The following SMAGP variants were observed in gnomAD, a reference collection of about 807,000 sequenced individuals.
SMAGP encodes the protein small cell adhesion glycoprotein, also known as small cell transmembrane and glycosylated protein.
In SMAGP, 7 loss-of-function variants were observed where a neutral mutation model predicts 10.1. The ratio of observed to expected loss-of-function variants is 0.70; its 90% CI spans 0.40 to 1.31. The LOEUF is 1.31. Among genes scored for constraint, SMAGP ranks in the 50% most tolerant of loss-of-function variants. The pLI is 0.01. For synonymous variants in SMAGP, 49 were observed against 47.2 expected (o/e 1.04, Z -0.16); for missense variants, 113 against 116.5 (o/e 0.97, Z 0.14).
At position 51,250,204 on chromosome 12, in the gene SMAGP, CAA is replaced by C. The variant is rs11289025; in HGVS notation, c.35-3375_35-3374del. Among the ~76,000 whole-genome samples, 634 of 98,882 alleles carry C rather than the reference CAA, an allele frequency of 6.4e-3. 2 individuals carry two copies. The highest frequency in any genetic ancestry group is 0.019 in the African/African-American group (525 of 27,186). 64.9% of individuals were successfully genotyped at this position (98,882 alleles called of 152,430 possible). A position where few individuals can be genotyped will look rare whatever the true frequency, so the allele number is the denominator to read the frequency against. On this transcript the variant is annotated intron_variant, in intron 2 of 3. Transcript: ENST00000603798. ...GGGCAACACAGTAAGACTCTGTCTA[CAA>C]AAAAAAAAAAAAAAAAAATGTAAAA... is the stretch of plus-strand genomic sequence containing the variant.
intron 2 of SMAGP, among the ~76,000 whole-genome samples, chr12:51,266,924 T>C (rs887899062): frequency 1.9e-4 from 29 of 152,206 alleles, no homozygotes; most frequent in Admixed American, 2.6e-4. Context: ...GAGACCAGCC[T>C]GGCCAACATG....
chr12:51,260,528 C>T (rs1209222850), intron 2 of SMAGP, among the ~76,000 whole-genome samples: 2 of 151,694 alleles, frequency 1.3e-5, no homozygotes, highest in African/African-American at 4.8e-5. Flanking sequence ...AGGTGCCCGC[C>T]ACCACGCCCG....
At chr12:51,257,806 A>T (rs1944899391) in intron 2 of SMAGP, among the ~76,000 whole-genome samples, 1 of 151,750 alleles carries the variant, frequency 6.6e-6, no homozygotes, top group Non-Finnish European at 1.5e-5. Context: ...TGGCCTCTCA[A>T]AGTGCTGGGA....
chr12:51,266,479 AAAG>A (rs1944975419), intron 2 of SMAGP, among the ~76,000 whole-genome samples: 3 of 151,860 alleles, frequency 2.0e-5, no homozygotes, highest in African/African-American at 4.8e-5. Flanking sequence ...AAAAAAAAAA[AAAG>A]AACTGTGTAC....
intron 2 of SMAGP, among the ~76,000 whole-genome samples, chr12:51,249,956 C>T (rs959942961): frequency 6.6e-6 from 1 of 152,034 alleles, no homozygotes; most frequent in Non-Finnish European, 1.5e-5. Context: ...ATCTGTTACC[C>T]ACAGGAACTA....
At chr12:51,246,354 T>A (rs970615749) in intron 3 of SMAGP, 6 of 547,470 alleles carry the variant, frequency 1.1e-5, no homozygotes, top group African/African-American at 9.4e-5. Context: ...CTGACAAAAC[T>A]GAACTGCCTC....
At chr12:51,256,809 A>C (rs1041176881) in intron 2 of SMAGP, among the ~76,000 whole-genome samples, 4 of 151,524 alleles carry the variant, frequency 2.6e-5, no homozygotes, top group African/African-American at 9.7e-5. Flanking sequence ...ATTCTTATAT[A>C]TGGTACTAGA....
intron 2 of SMAGP, among the ~76,000 whole-genome samples, chr12:51,265,093 C>T (rs886174518): frequency 1.3e-5 from 2 of 151,940 alleles, no homozygotes; most frequent in Admixed American, 6.6e-5. Flanking sequence ...CAAAGATATA[C>T]AAATGGTCAA....
At chr12:51,253,234 G>C (rs1944856758) in intron 2 of SMAGP, among the ~76,000 whole-genome samples, 1 of 152,146 alleles carries the variant, frequency 6.6e-6, no homozygotes, top group South Asian at 2.1e-4. Context: ...GAGATTCCAG[G>C]TTCCTAGACA....
chr12:51,256,302 G>A (rs1410636567), intron 2 of SMAGP, among the ~76,000 whole-genome samples: 1 of 152,092 alleles, frequency 6.6e-6, no homozygotes, highest in Non-Finnish European at 1.5e-5. Context: ...TTAGAATTTG[G>A]AGGCCAGGTG....
At position 51,246,114 on chromosome 12, in the gene SMAGP, T is replaced by C; in HGVS notation, c.121A>G (p.Ile41Val). ...AGCAGGGTGAGGAAGACAACGGTGA[T>C]AACAACTTGGAAAGGAGAGGGAAAA... is the stretch of plus-strand genomic sequence containing the variant. ...GASTALIAVV[I>V]TVVFLTLLSV... The change falls in exon 4 of 4, where the codon ATC becomes GTC. Residue 41 changes from isoleucine to valine, a missense_variant. Coordinates refer to ENST00000603798, the MANE Select transcript of SMAGP (RefSeq NM_001031628.2). 1 of 1,613,840 alleles carries C rather than the reference T, an allele frequency of 6.2e-7. No homozygotes were observed. Among genetic ancestry groups the C allele is most frequent in the South Asian group, 1.1e-5 (1 of 91,068 alleles).
At chr12:51,252,393 CTAT>C (rs893404086) in intron 2 of SMAGP, among the ~76,000 whole-genome samples, 23 of 146,512 alleles carry the variant, frequency 1.6e-4, no homozygotes, top group Non-Finnish European at 2.4e-4. Context: ...TGTGCCCGGC[CTAT>C]TATTATTATT....
chr12:51,263,383 C>CAA (rs994183697), intron 2 of SMAGP, among the ~76,000 whole-genome samples: 1 of 127,006 alleles, frequency 7.9e-6, no homozygotes, highest in Non-Finnish European at 1.7e-5. Flanking sequence ...AATTCCATCT[C>CAA]AAAAAAAAAA....
At chr12:51,248,432 ACACTCT>A (rs1428581486) in intron 2 of SMAGP, among the ~76,000 whole-genome samples, 191 of 48,734 alleles carry the variant, frequency 3.9e-3, no homozygotes, top group East Asian at 0.016. Flanking sequence ...ACACACACAC[ACACTCT>A]CTCTCTCTCT....
chr12:51,263,616 A>C (rs1404516927), intron 2 of SMAGP, among the ~76,000 whole-genome samples: 2 of 152,184 alleles, frequency 1.3e-5, no homozygotes, highest in Non-Finnish European at 2.9e-5. Flanking sequence ...AATAAAATAA[A>C]GAAAAATGCT....
At chr12:51,257,731 G>A (rs545206748) in intron 2 of SMAGP, among the ~76,000 whole-genome samples, 179 of 152,232 alleles carry the variant, frequency 1.2e-3, no homozygotes, top group Non-Finnish European at 4.7e-4. Context: ...TTTTAGTAGA[G>A]ATGGGGTTTC....
At chr12:51,246,295 A>C in intron 3 of SMAGP, 176 bp from the exon 4 acceptor site, 1 of 864,308 alleles carries the variant, frequency 1.2e-6, no homozygotes, top group Non-Finnish European at 1.7e-6. Flanking sequence ...ATGGCACATA[A>C]TAGCTGGAGT....
At chr12:51,261,835 C>T (rs996750062) in intron 2 of SMAGP, among the ~76,000 whole-genome samples, 18 of 149,958 alleles carry the variant, frequency 1.2e-4, no homozygotes, top group African/African-American at 3.5e-4. Flanking sequence ...GTTGCTAAAA[C>T]GAATATGAGA....
chr12:51,246,517 C>A (rs1300064485), intron 3 of SMAGP: 3 of 448,806 alleles, frequency 6.7e-6, no homozygotes, highest in Non-Finnish European at 1.2e-5. Context: ...TCAAGTGTAA[C>A]GTCCGTATGC....
Sources: gnomAD v4.1 joint callset for allele counts (sites outside exome capture counted in the v4.1 genomes callset) on GRCh38, gnomAD v4.1.1 for gene constraint, MANE v1.5 for transcripts, NCBI Gene and HGNC (gene_info 2026-07-23, HGNC 2026-07-21) for gene names.